Variants in ADTRP observed in about 807,000 individuals in gnomAD.
The protein encoded by ADTRP is androgen dependent TFPI regulating protein.
In ADTRP, 20 loss-of-function variants were observed where a neutral mutation model predicts 27.0. The observed-to-expected ratio is 0.74, with a 90% CI of 0.52 to 1.08. The LOEUF (loss-of-function observed/expected upper bound fraction) is 1.08. Among genes scored for constraint, ADTRP ranks in the 50% least tolerant of loss-of-function variants. The probability of loss-of-function intolerance (pLI) is 0.00; values close to 1 mark genes in which losing one functional copy is unlikely to be tolerated. For synonymous variants in ADTRP, 101 were observed against 105.2 expected (o/e 0.96, Z 0.25); for missense variants, 251 against 275.0 (o/e 0.91, Z 0.62).
chr6:11,721,189 T>G (rs772733209), intron 5 of ADTRP, among the ~76,000 whole-genome samples: 4 of 152,118 alleles, frequency 2.6e-5, no homozygotes, highest in Non-Finnish European at 5.9e-5. Context: ...AGTGTTGAAA[T>G]GCATGAGTAT....
intron 2 of ADTRP, chr6:11,767,681 A>G (rs1292492490): frequency 6.6e-6 from 1 of 152,198 alleles, no homozygotes; most frequent in Non-Finnish European, 1.5e-5. Context: ...CATATGTCTC[A>G]CTTCTTCCTG....
chr6:11,722,034 G>T (rs62395242), intron 5 of ADTRP, among the ~76,000 whole-genome samples: 11,576 of 151,992 alleles, frequency 0.076, 517 homozygotes, highest in Non-Finnish European at 0.1. Context: ...TATATATAGA[G>T]AGAGAGAGAT....
intron 1 of ADTRP, among the ~76,000 whole-genome samples, chr6:11,777,296 G>A (rs1028578967): frequency 6.6e-6 from 1 of 152,032 alleles, no homozygotes; most frequent in Non-Finnish European, 1.5e-5. Flanking sequence ...GCTAGTTAAT[G>A]AGTGTGGTGA....
At chr6:11,774,979 C>G (rs1433581715) in intron 1 of ADTRP, among the ~76,000 whole-genome samples, 1 of 152,164 alleles carries the variant, frequency 6.6e-6, no homozygotes, top group African/African-American at 2.4e-5. Flanking sequence ...CTGGGGTTCC[C>G]CATTCTGCAT....
chr6:11,733,610 C>G (rs1446598027), intron 4 of ADTRP, among the ~76,000 whole-genome samples: 1 of 152,232 alleles, frequency 6.6e-6, no homozygotes, highest in African/African-American at 2.4e-5. Context: ...CACCCTGTCT[C>G]CCACTGTCTG....
chr6:11,718,476 C>A (rs1447196470), intron 5 of ADTRP, among the ~76,000 whole-genome samples: 1 of 152,152 alleles, frequency 6.6e-6, no homozygotes, highest in Non-Finnish European at 1.5e-5. Context: ...ACATAAGGGG[C>A]AGAGAAGGGA....
At chr6:11,733,138 T>A (rs1367847407) in intron 4 of ADTRP, among the ~76,000 whole-genome samples, 1 of 152,220 alleles carries the variant, frequency 6.6e-6, no homozygotes, top group African/African-American at 2.4e-5. Flanking sequence ...CTGATTTTAT[T>A]TGTGGATTGA....
At chr6:11,744,848 G>A (rs1416709705) in intron 3 of ADTRP, among the ~76,000 whole-genome samples, 1 of 152,110 alleles carries the variant, frequency 6.6e-6, no homozygotes, top group Non-Finnish European at 1.5e-5. Context: ...TGTGTCTCAG[G>A]GCACTATCCC....
Position 11,766,381 on chromosome 6 carries a change from A to C in ADTRP, c.289-6T>G, listed in dbSNP as rs1441065209. The stretch of plus-strand genomic sequence containing the variant: ...CAGAATGCCAAAAATACAAACTGGA[A>C]AATAAAACACAAAAAATAGCATCAT... On this transcript the variant is annotated splice_polypyrimidine_tract_variant and splice_region_variant and intron_variant, in intron 2 of 5. Transcript: ENST00000414691. The C allele has an allele frequency of 6.2e-7, 1 of 1,600,652 alleles. No individual in the cohort carries two copies. Among genetic ancestry groups the C allele is most frequent in the East Asian group, 2.2e-5 (1 of 44,714 alleles).
intron 4 of ADTRP, among the ~76,000 whole-genome samples, chr6:11,726,517 C>T (rs1762206724): frequency 6.6e-6 from 1 of 152,170 alleles, no homozygotes; most frequent in South Asian, 2.1e-4. Flanking sequence ...TGATCTTCTC[C>T]ACCACATTGT....
At chr6:11,715,019 A>G (rs980625562) in intron 5 of ADTRP, among the ~76,000 whole-genome samples, 3 of 152,214 alleles carry the variant, frequency 2.0e-5, no homozygotes, top group Admixed American at 6.5e-5. Flanking sequence ...TTAGAGGGGC[A>G]TTATTCTACT....
At position 11,777,019 on chromosome 6, in the gene ADTRP, A is replaced by T. The variant is rs1356548999; in HGVS notation, c.153+1588T>A. Reference sequence around the variant, plus strand: ...ATGATATGGTCATCCAGGTAGGCTTAATATAAGCCTGGAATGAGAGAGACA... The same window carrying T: ...ATGATATGGTCATCCAGGTAGGCTTTATATAAGCCTGGAATGAGAGAGACA... On this transcript the variant is annotated intron_variant, in intron 1 of 5. Coordinates refer to ENST00000414691, the MANE Select transcript of ADTRP (RefSeq NM_032744.4). 3.3e-5 allele frequency among the ~76,000 whole-genome samples: 5 copies of T among 152,234 alleles called. No homozygotes were observed. In the East Asian group the frequency reaches 9.6e-4, roughly 29 times the overall value.
In ADTRP at chr6:11,736,120, G is replaced by C. The variant is rs142640484; in HGVS notation, c.391-437C>G. On this transcript the variant is annotated intron_variant, in intron 3 of 5. Transcript: ENST00000414691. ...TGGGATTACAGGCATGTGCTACCAAGCCCGGCTAATTCCTGACCTCAAGTG... is the reference window on the plus strand; with the variant it reads ...TGGGATTACAGGCATGTGCTACCAACCCCGGCTAATTCCTGACCTCAAGTG... 2.4e-3 allele frequency: 402 copies of C among 165,586 alleles called. 1 individual carries two copies. The highest frequency in any genetic ancestry group is 9.0e-3 in the African/African-American group (376 of 41,772). The allele number at this position is 165,586 out of a possible 1,614,324, so 10.3% of individuals were successfully genotyped here. A position where few individuals can be genotyped will look rare whatever the true frequency, so the allele number is the denominator to read the frequency against.
intron 1 of ADTRP, among the ~76,000 whole-genome samples, chr6:11,770,592 G>A (rs1763739328): frequency 6.6e-6 from 1 of 152,130 alleles, no homozygotes; most frequent in South Asian, 2.1e-4. Context: ...GGGCCCTGGG[G>A]TGGAGGAGCT....
chr6:11,715,102 T>C (rs1161007690), intron 5 of ADTRP, among the ~76,000 whole-genome samples: 1 of 152,238 alleles, frequency 6.6e-6, no homozygotes, highest in African/African-American at 2.4e-5. Flanking sequence ...TTAATGATCA[T>C]AAATCTTTGT....
At chr6:11,766,967 A>G (rs1763593633) in intron 2 of ADTRP, among the ~76,000 whole-genome samples, 1 of 152,238 alleles carries the variant, frequency 6.6e-6, no homozygotes, top group Non-Finnish European at 1.5e-5. Flanking sequence ...AAGTCAACGC[A>G]TAGATAAGGA....
chr6:11,730,832 C>A (rs183670113), intron 4 of ADTRP, among the ~76,000 whole-genome samples: 1 of 152,356 alleles, frequency 6.6e-6, no homozygotes, highest in East Asian at 1.9e-4. Context: ...GGGACACCTG[C>A]AGCATCAGTA....
At chr6:11,760,650 C>T (rs540304007) in intron 3 of ADTRP, among the ~76,000 whole-genome samples, 3 of 152,224 alleles carry the variant, frequency 2.0e-5, no homozygotes, top group South Asian at 4.1e-4. Flanking sequence ...TGTCACCATC[C>T]CAGAAAGCTA....
chr6:11,775,330 T>C (rs546511138), intron 1 of ADTRP, among the ~76,000 whole-genome samples: 1 of 152,210 alleles, frequency 6.6e-6, no homozygotes, highest in East Asian at 1.9e-4. Flanking sequence ...TTCTGAGCGC[T>C]TCCCACCTGT....
Sources: allele counts gnomAD v4.1 joint callset (sites outside exome capture counted in the v4.1 genomes callset), GRCh38; gene constraint gnomAD v4.1.1; transcripts MANE v1.5; gene names NCBI Gene and HGNC (gene_info 2026-07-23, HGNC 2026-07-21).